PRMT2: variants seen among roughly 807,000 people sequenced by gnomAD.
PRMT2 encodes protein arginine methyltransferase 2.
PRMT2 carries 26 observed loss-of-function variants against 57.6 expected under a neutral mutation model. That is an observed-to-expected ratio of 0.45 (90% CI 0.33 to 0.63). PRMT2 has a LOEUF of 0.63. Among genes scored for constraint, PRMT2 ranks in the 20% least tolerant of loss-of-function variants. The pLI is 0.02. For missense variants in PRMT2, 472 were observed against 564.4 expected (o/e 0.84, Z 1.66); for synonymous variants, 219 against 220.0 (o/e 1.00, Z 0.04).
intron 5 of PRMT2, among the ~76,000 whole-genome samples, chr21:46,645,128 A>C (rs1453965158): frequency 1.2e-5 from 1 of 81,672 alleles, no homozygotes; most frequent in East Asian, 4.0e-4. Flanking sequence ...TTAGCTGGGC[A>C]TGGTGGTGCA....
At chr21:46,647,763 C>T (rs961662993) in intron 5 of PRMT2, among the ~76,000 whole-genome samples, 1 of 152,148 alleles carries the variant, frequency 6.6e-6, no homozygotes, top group Non-Finnish European at 1.5e-5. Flanking sequence ...TAATGTATGC[C>T]CACAAATCTC....
intron 7 of PRMT2, chr21:46,656,699 T>C (rs886947422): frequency 3.3e-5 from 5 of 152,126 alleles, no homozygotes; most frequent in Non-Finnish European, 7.4e-5. Flanking sequence ...TAGATCTAAG[T>C]GTGTGAAATG....
At position 46,664,710 on chromosome 21, in the gene PRMT2, C is replaced by T. The variant is rs2061678183; in HGVS notation, c.*383C>T. ...TACCCTGTGACAGTGACTGTCCCCA[C>T]CTCCTATGTTAGTGGTGCCCTTACT... On this transcript the variant is annotated 3_prime_UTR_variant, in exon 12 of 12. Transcript: ENST00000355680. The T allele has an allele frequency of 7.6e-6, 2 of 264,564 alleles. No homozygotes were observed. The highest frequency in any genetic ancestry group is 7.2e-5 in the East Asian group (1 of 13,974). The allele number at this position is 264,564 out of a possible 1,614,324, so 16.4% of individuals were successfully genotyped here.
intron 7 of PRMT2, chr21:46,652,910 T>C: frequency 7.7e-7 from 1 of 1,302,692 alleles, no homozygotes; most frequent in Non-Finnish European, 1.0e-6. Context: ...GGTTGCACAC[T>C]CAGCAGTCTC....
chr21:46,650,029 A>G, intron 7 of PRMT2: 2 of 1,339,644 alleles, frequency 1.5e-6, no homozygotes, highest in Non-Finnish European at 2.0e-6. Context: ...CCTGTGCCTA[A>G]CAGGTAAGGC....
chr21:46,661,001 A>G (rs1249372258), intron 9 of PRMT2, 39 bp downstream of exon 9: 3 of 1,592,922 alleles, frequency 1.9e-6, no homozygotes, highest in East Asian at 2.2e-5. Flanking sequence ...TTCGATAATC[A>G]GTGACCACGA....
In PRMT2 at chr21:46,649,572, C is replaced by T. The variant is rs2061417831; in HGVS notation, c.490-3C>T. ...TACGCTGACGGTGCCTCTGCTGCTG[C>T]AGGTGTACGCGGTGGAGGCCAGTGA... On this transcript the variant is annotated splice_polypyrimidine_tract_variant and splice_region_variant and intron_variant, in intron 6 of 11. Transcript: ENST00000355680. The surrounding 1 kb of genome is among the most constrained non-coding windows in gnomAD (Gnocchi z 4.8). The T allele has an allele frequency of 1.2e-6, 2 of 1,613,896 alleles. No individual in the cohort carries two copies. The highest frequency in any genetic ancestry group is 2.7e-5 in the African/African-American group (2 of 74,932).
At chr21:46,652,254 T>C (rs2061470940) in intron 7 of PRMT2, 18 of 1,348,980 alleles carry the variant, frequency 1.3e-5, no homozygotes, top group Non-Finnish European at 1.6e-5. Flanking sequence ...GTTGTTAGGA[T>C]GGGAAAGGTT....
intron 10 of PRMT2, among the ~76,000 whole-genome samples, chr21:46,662,302 G>T (rs1302447424): frequency 6.6e-6 from 1 of 152,200 alleles, no homozygotes; most frequent in African/African-American, 2.4e-5. Flanking sequence ...GTTTTTGGAG[G>T]TGCCTGTTTT....
In PRMT2 at chr21:46,664,621, G is replaced by T. The variant is rs1360328417; in HGVS notation, c.*294G>T. Reference sequence around the variant, plus strand: ...ACAGTGCCGACCCGTGGCTGGGTCGGAGCTCCATGTTCCTAAGCTAGGTCT... The same window carrying T: ...ACAGTGCCGACCCGTGGCTGGGTCGTAGCTCCATGTTCCTAAGCTAGGTCT... On this transcript the variant is annotated 3_prime_UTR_variant, in exon 12 of 12. Transcript: ENST00000355680. 3 of 510,750 alleles carry T rather than the reference G, an allele frequency of 5.9e-6. No individual in the cohort carries two copies. The highest frequency in any genetic ancestry group is 5.8e-5 in the African/African-American group (3 of 52,012). The allele number at this position is 510,750 out of a possible 1,614,324, so 31.6% of individuals were successfully genotyped here.
intron 3 of PRMT2, among the ~76,000 whole-genome samples, chr21:46,638,395 T>C (rs998419314): frequency 5.3e-5 from 8 of 152,260 alleles, no homozygotes; most frequent in South Asian, 2.1e-4. Flanking sequence ...ATTTTACTTA[T>C]TCCCTTTTTG....
At chr21:46,653,382 A>G in intron 7 of PRMT2, 2 of 985,464 alleles carry the variant, frequency 2.0e-6, no homozygotes, top group Non-Finnish European at 2.4e-6. Context: ...GGCTGTTTGC[A>G]CATATTTATA....
At chr21:46,659,086 A>C (rs1236428713) in intron 8 of PRMT2, 166 bp downstream of exon 8, 1 of 1,414,210 alleles carries the variant, frequency 7.1e-7, no homozygotes, top group Non-Finnish European at 9.2e-7. Flanking sequence ...TTAAAGCAGT[A>C]TGGTGCTATA....
chr21:46,659,949 CATAA>C (rs1569164094), intron 8 of PRMT2: 1 of 984,664 alleles, frequency 1.0e-6, no homozygotes, highest in East Asian at 1.1e-4. Context: ...TGTTTGCTTG[CATAA>C]ATAAATTTAT....
Position 46,664,451 on chromosome 21 carries a change from C to T in PRMT2, c.*124C>T. 2.4e-6 allele frequency: 3 copies of T among 1,252,982 alleles called. No homozygotes were observed. The highest frequency in any genetic ancestry group is 3.5e-6 in the Non-Finnish European group (3 of 865,348). The allele number at this position is 1,252,982 out of a possible 1,614,324, so 77.6% of individuals were successfully genotyped here. ...TCGGTGAACATTCACTCCACATTGA[C>T]CCCTCCCTAGCCTGGCAGGTGACGT... On this transcript the variant is annotated 3_prime_UTR_variant, in exon 12 of 12. Transcript: ENST00000355680.
chr21:46,646,089 G>A (rs1011485523), intron 5 of PRMT2, among the ~76,000 whole-genome samples: 1 of 152,146 alleles, frequency 6.6e-6, no homozygotes, highest in African/African-American at 2.4e-5. Context: ...TTGGTTGAAT[G>A]GAGGTTACCT....
Position 46,651,568 on chromosome 21 carries a change from C to T in PRMT2, c.654+1829C>T, listed in dbSNP as rs567541104. On this transcript the variant is annotated intron_variant, in intron 7 of 11. Transcript: ENST00000355680. ...CAGTGCAGGCAGTGGAGGGGGAAGG[C>T]GGAGCTTTGCAGGTGAGGGCTTGAG... Among the ~76,000 whole-genome samples the T allele has an allele frequency of 2.6e-3, 395 of 151,888 alleles. 3 individuals are homozygous for T. Among genetic ancestry groups the T allele is most frequent in the South Asian group, 9.8e-3 (47 of 4,802 alleles).
intron 11 of PRMT2, 94 bp downstream of exon 11, chr21:46,663,648 ACT>A: frequency 1.6e-6 from 2 of 1,286,662 alleles, no homozygotes; most frequent in South Asian, 2.7e-5. Flanking sequence ...GCTGGCCCAC[ACT>A]GGGGTCCACG....
At chr21:46,636,397 A>G (rs547195044) in intron 1 of PRMT2, 42 bp from the exon 2 acceptor site, 1 of 152,636 alleles carries the variant, frequency 6.6e-6, no homozygotes, top group African/African-American at 2.4e-5. Context: ...TGCATTTTAA[A>G]CAAAGAATTG....
Sources: gnomAD v4.1 joint callset for allele counts (sites outside exome capture counted in the v4.1 genomes callset) on GRCh38, gnomAD v4.1.1 for gene constraint, Gnocchi (gnomAD v3.1) non-coding constraint, MANE v1.5 for transcripts, NCBI Gene and HGNC (gene_info 2026-07-23, HGNC 2026-07-21) for gene names.